The following BMP5 variants were observed in gnomAD, a reference collection of about 807,000 sequenced individuals.
The protein encoded by BMP5 is bone morphogenetic protein 5.
In BMP5, 23 loss-of-function variants were observed where a neutral mutation model predicts 46.6. That is an observed-to-expected ratio of 0.49 (90% CI 0.35 to 0.70). The LOEUF is 0.70. Ranked by LOEUF, BMP5 falls within the 30% of genes least tolerant of loss-of-function variation. The pLI, the probability that BMP5 is intolerant of heterozygous loss-of-function variation, is 0.00. For synonymous variants in BMP5, 204 were observed against 191.9 expected, an observed-to-expected ratio of 1.06 and a Z score of -0.52; for missense variants, 545 against 565.6, an observed-to-expected ratio of 0.96 and a Z score of 0.37.
At chr6:55,814,916 G>C (rs1373603930) in intron 2 of BMP5, among the ~76,000 whole-genome samples, 6 of 152,134 alleles carry the variant, frequency 3.9e-5, no homozygotes, top group Non-Finnish European at 8.8e-5. Flanking sequence ...GATCACCTGA[G>C]GTCAGGAGTT....
intron 6 of BMP5, among the ~76,000 whole-genome samples, chr6:55,758,689 AG>A (rs1317367162): frequency 6.6e-6 from 1 of 151,918 alleles, no homozygotes; most frequent in Admixed American, 6.6e-5. Context: ...ATGAATTGCT[AG>A]GTTAGAAACA....
chr6:55,811,508 T>C (rs2127535366), intron 2 of BMP5, among the ~76,000 whole-genome samples: 1 of 152,306 alleles, frequency 6.6e-6, no homozygotes, highest in East Asian at 1.9e-4. Context: ...TGCTGGATGC[T>C]ATTCTTATTA....
Position 55,841,942 on chromosome 6 carries a change from G to GAGAGAGAGAGAGAGAGAGAGAGAGAGA in BMP5, c.491-22096_491-22095insTCTCTCTCTCTCTCTCTCTCTCTCTCT, listed in dbSNP as rs1399152751. 2.2e-4 allele frequency among the ~76,000 whole-genome samples: 34 copies of GAGAGAGAGAGAGAGAGAGAGAGAGAGA among 151,894 alleles called. No homozygotes were observed. The South Asian group carries it at 6.7e-3, about 30-fold the overall frequency. The stretch of plus-strand genomic sequence containing the variant: ...AGAGAGAGAGAGAGAGAGAGAGAGA[G>GAGAGAGAGAGAGAGAGAGAGAGAGAGA]ATTTTTCTATCCTTAAACATATTTA... On this transcript the variant is annotated intron_variant, in intron 1 of 6. Transcript: ENST00000370830.
intron 3 of BMP5, among the ~76,000 whole-genome samples, chr6:55,776,768 T>C (rs1313869248): frequency 1.3e-5 from 2 of 151,990 alleles, no homozygotes; most frequent in African/African-American, 4.8e-5. Flanking sequence ...TCTTTTATAG[T>C]TAAATAAGCA....
intron 3 of BMP5, among the ~76,000 whole-genome samples, chr6:55,785,382 C>T (rs552717474): frequency 4.0e-5 from 6 of 151,716 alleles, no homozygotes; most frequent in East Asian, 1.9e-4. Flanking sequence ...AACAGTGATC[C>T]GTTATTTATG....
At chr6:55,777,769 C>T (rs1256177623) in intron 3 of BMP5, among the ~76,000 whole-genome samples, 3 of 151,886 alleles carry the variant, frequency 2.0e-5, no homozygotes, top group African/African-American at 4.8e-5. Context: ...TCTGGCACAG[C>T]TTCAATAGAT....
intron 3 of BMP5, among the ~76,000 whole-genome samples, chr6:55,793,542 C>G (rs1336054739): frequency 6.6e-6 from 1 of 152,106 alleles, no homozygotes; most frequent in Admixed American, 6.6e-5. Flanking sequence ...GTTCTGCTTT[C>G]CCATGGTGTC....
intron 3 of BMP5, among the ~76,000 whole-genome samples, chr6:55,775,960 A>G (rs141031961): frequency 2.0e-5 from 3 of 151,820 alleles, no homozygotes; most frequent in East Asian, 1.9e-4. Context: ...CAGCATAGGT[A>G]TCCTCCACAG....
intron 4 of BMP5, among the ~76,000 whole-genome samples, chr6:55,761,793 T>A (rs192025623): frequency 1.3e-5 from 2 of 152,258 alleles, no homozygotes; most frequent in African/African-American, 4.8e-5. Context: ...CCTCATTTAT[T>A]TATGTGTGGC....
chr6:55,771,469 G>C (rs1775045612), intron 4 of BMP5, among the ~76,000 whole-genome samples: 4 of 151,790 alleles, frequency 2.6e-5, no homozygotes, highest in Admixed American at 2.6e-4. Context: ...TGGAAGTAAT[G>C]GTTCTATATA....
At chr6:55,796,322 T>G (rs887538430) in intron 2 of BMP5, among the ~76,000 whole-genome samples, 6 of 152,100 alleles carry the variant, frequency 3.9e-5, no homozygotes, top group Non-Finnish European at 8.8e-5. Context: ...TTTCTTTTGG[T>G]AGTCATTTCA....
At chr6:55,778,999 T>C (rs946638763) in intron 3 of BMP5, among the ~76,000 whole-genome samples, 3 of 152,186 alleles carry the variant, frequency 2.0e-5, no homozygotes, top group Middle Eastern at 3.4e-3. Context: ...CAAAGCTCTA[T>C]CCCAGACTCA....
At chr6:55,797,592 G>C (rs1480496023) in intron 2 of BMP5, among the ~76,000 whole-genome samples, 4 of 150,548 alleles carry the variant, frequency 2.7e-5, no homozygotes, top group Non-Finnish European at 5.9e-5. Flanking sequence ...TTTCAGAATG[G>C]TGTTTGTGAT....
At position 55,819,852 on chromosome 6, in the gene BMP5, A is replaced by G. The variant is rs202222044; in HGVS notation, c.491-5T>C. ...AAAAATCCTTGTCTCTTTCAACTGA[A>G]AAAATAAAGGGGGTTGAGGGGGAAA... On this transcript the variant is annotated splice_polypyrimidine_tract_variant and splice_region_variant and intron_variant, in intron 1 of 6. Transcript: ENST00000370830. 8 of 1,612,568 alleles carry G rather than the reference A, an allele frequency of 5.0e-6. No individual in the cohort carries two copies. The highest frequency in any genetic ancestry group is 5.9e-6 in the Non-Finnish European group (7 of 1,178,890).
chr6:55,795,843 T>C (rs1775698848), intron 2 of BMP5, among the ~76,000 whole-genome samples: 1 of 152,188 alleles, frequency 6.6e-6, no homozygotes, highest in Admixed American at 6.5e-5. Flanking sequence ...ACATCTGATA[T>C]AGGATTCAGT....
chr6:55,799,430 G>A (rs936511093), intron 2 of BMP5, among the ~76,000 whole-genome samples: 17 of 152,140 alleles, frequency 1.1e-4, no homozygotes, highest in African/African-American at 2.7e-4. Context: ...GGAGAAGGAG[G>A]AGGTAGAGAA....
chr6:55,868,971 G>A (rs1350479101), intron 1 of BMP5, among the ~76,000 whole-genome samples: 1 of 152,210 alleles, frequency 6.6e-6, no homozygotes, highest in East Asian at 1.9e-4. Flanking sequence ...AAGGTGCAAA[G>A]AAGCACTCAT....
rs554230932 is a variant in BMP5 at position 55,798,894 on chromosome 6, T to A, written c.684-4467A>T. Among the ~76,000 whole-genome samples, 7 of 152,184 alleles carry A rather than the reference T, an allele frequency of 4.6e-5. No homozygotes were observed. In the East Asian group the frequency reaches 1.2e-3, roughly 25 times the overall value. ...CATACATACCTTGAGAATCTTAAAA[T>A]ACCAGAAGGACACTACACTAAAGAC... On this transcript the variant is annotated intron_variant, in intron 2 of 6. Coordinates refer to ENST00000370830, the MANE Select transcript of BMP5 (RefSeq NM_021073.4).
chr6:55,763,570 A>C (rs1774837502), intron 4 of BMP5, among the ~76,000 whole-genome samples: 1 of 152,218 alleles, frequency 6.6e-6, no homozygotes, highest in South Asian at 2.1e-4. Context: ...CAAGGAAGTT[A>C]GATTTATGTC....
Sources: gnomAD v4.1 joint callset for allele counts (sites outside exome capture counted in the v4.1 genomes callset) on GRCh38, gnomAD v4.1.1 for gene constraint, MANE v1.5 for transcripts, NCBI Gene and HGNC (gene_info 2026-07-23, HGNC 2026-07-21) for gene names.